The following EPHA4 variants were observed in gnomAD, a reference collection of about 807,000 sequenced individuals.
EPHA4 encodes the protein ephrin type-A receptor 4.
In EPHA4, 19 loss-of-function variants were observed where a neutral mutation model predicts 108.3. The observed-to-expected ratio is 0.18, with a 90% CI of 0.12 to 0.26. EPHA4 has a LOEUF of 0.26. EPHA4 is among the 10% of genes least tolerant of loss of function. The pLI is 1.00. For missense variants in EPHA4, 917 were observed against 1,254.0 expected (o/e 0.73, Z 4.06); for synonymous variants, 449 against 455.5 (o/e 0.99, Z 0.18).
At chr2:221,566,872 AAGAAGGAGAAGGAGAAGGAGAAGG>A (rs1156604295) in intron 2 of EPHA4, among the ~76,000 whole-genome samples, 1 of 41,580 alleles carries the variant, frequency 2.4e-5, no homozygotes, top group Non-Finnish European at 4.6e-5. Flanking sequence ...GAAGAAGAAG[AAGAAGGAGAAGGAGAAGGAGAAGG>A]AGAAGGAGAA....
At chr2:221,461,698 TAC>T (rs1224506218) in intron 5 of EPHA4, among the ~76,000 whole-genome samples, 2 of 152,206 alleles carry the variant, frequency 1.3e-5, no homozygotes, top group Non-Finnish European at 2.9e-5. Context: ...TCAGACTAAG[TAC>T]CACCAAATAC....
intron 2 of EPHA4, among the ~76,000 whole-genome samples, chr2:221,565,905 G>C (rs959622202): frequency 6.6e-6 from 1 of 152,180 alleles, no homozygotes; most frequent in Non-Finnish European, 1.5e-5. Context: ...AAGGCACATA[G>C]GGTATCTCTA....
intron 3 of EPHA4, among the ~76,000 whole-genome samples, chr2:221,549,617 C>T (rs541172701): frequency 5.9e-5 from 9 of 152,320 alleles, no homozygotes; most frequent in African/African-American, 2.2e-4. Flanking sequence ...AAGAGTAGCT[C>T]TACCATGCCT....
At chr2:221,521,158 A>T (rs536390986) in intron 3 of EPHA4, among the ~76,000 whole-genome samples, 6 of 152,078 alleles carry the variant, frequency 3.9e-5, no homozygotes, top group Admixed American at 3.9e-4. Context: ...CCTATTCTCA[A>T]CCCTCGGACT....
chr2:221,508,871 A>G (rs1692717587), intron 3 of EPHA4, among the ~76,000 whole-genome samples: 1 of 148,010 alleles, frequency 6.8e-6, no homozygotes, highest in Non-Finnish European at 1.5e-5. Flanking sequence ...CTCTCACATC[A>G]ATATTGTGAA....
intron 3 of EPHA4, among the ~76,000 whole-genome samples, chr2:221,502,844 A>G (rs560285199): frequency 1.2e-3 from 184 of 152,324 alleles, no homozygotes; most frequent in Non-Finnish European, 2.0e-3. Context: ...TGGGAGATCA[A>G]TCTCTCCCTT....
intron 13 of EPHA4, among the ~76,000 whole-genome samples, chr2:221,435,806 G>A (rs929933280): frequency 1.8e-4 from 27 of 151,986 alleles, no homozygotes; most frequent in African/African-American, 6.3e-4. Context: ...TGGTATAAAT[G>A]TTTTATAAAT....
chr2:221,488,737 T>C (rs1240817885), intron 4 of EPHA4, among the ~76,000 whole-genome samples: 1 of 152,200 alleles, frequency 6.6e-6, no homozygotes, highest in East Asian at 1.9e-4. Context: ...TCATGTTGTA[T>C]TATAAAAGGA....
At chr2:221,513,730 C>T (rs1444525243) in intron 3 of EPHA4, among the ~76,000 whole-genome samples, 1 of 152,114 alleles carries the variant, frequency 6.6e-6, no homozygotes, top group Non-Finnish European at 1.5e-5. Context: ...TTAACAGATA[C>T]GATCAGGTTA....
intron 3 of EPHA4, among the ~76,000 whole-genome samples, chr2:221,546,290 C>T (rs1277902922): frequency 6.6e-6 from 1 of 152,170 alleles, no homozygotes; most frequent in Non-Finnish European, 1.5e-5. Context: ...CTTCACTCCT[C>T]AAGGCCTCCT....
chr2:221,459,176 A>G (rs1317096762), intron 5 of EPHA4, among the ~76,000 whole-genome samples: 7 of 152,176 alleles, frequency 4.6e-5, no homozygotes, highest in Admixed American at 3.9e-4. Flanking sequence ...AGCCAAGCAG[A>G]CACACCATAG....
At chr2:221,443,208 G>A (rs772009716) in intron 10 of EPHA4, among the ~76,000 whole-genome samples, 194 bp from the exon 11 acceptor site, 1 of 151,940 alleles carries the variant, frequency 6.6e-6, no homozygotes, top group Non-Finnish European at 1.5e-5. Flanking sequence ...GAAAACTAAG[G>A]CTTAATGCAA....
rs542089621 is a variant in EPHA4, at chr2:221,424,267, T to A, written c.*819+942A>T. Among the ~76,000 whole-genome samples the A allele has an allele frequency of 5.3e-5, 8 of 152,134 alleles. No individual in the cohort carries two copies. In the East Asian group the frequency reaches 1.5e-3, roughly 29 times the overall value. ...ATAAAACAAAAATTGTTGGAGTAGT[T>A]TTAAAAACAAATTTCACATTCCTTC... On this transcript the variant is annotated intron_variant, in intron 17 of 17. Transcript: ENST00000281821.
intron 14 of EPHA4, among the ~76,000 whole-genome samples, chr2:221,432,306 T>C (rs1574557038): frequency 6.6e-6 from 1 of 152,184 alleles, no homozygotes; most frequent in South Asian, 2.1e-4. Flanking sequence ...ATAATTACAG[T>C]AACTACATTT....
chr2:221,437,321 G>T, intron 11 of EPHA4, 199 bp from the exon 12 acceptor site: 1 of 487,258 alleles, frequency 2.1e-6, no homozygotes, highest in Non-Finnish European at 3.6e-6. Context: ...AATTCCATCT[G>T]GATAGTTAAA....
intron 3 of EPHA4, among the ~76,000 whole-genome samples, chr2:221,514,439 C>T (rs1338002218): frequency 1.3e-5 from 2 of 152,118 alleles, no homozygotes; most frequent in Non-Finnish European, 2.9e-5. Flanking sequence ...GTCCCAACCT[C>T]GGGGATTTTG....
At position 221,548,712 on chromosome 2, in the gene EPHA4, G is replaced by A. The variant is rs116666873; in HGVS notation, c.823+15019C>T. Among the ~76,000 whole-genome samples the A allele has an allele frequency of 6.6e-3, 1,012 of 152,216 alleles. 10 individuals carry two copies. Among genetic ancestry groups the A allele is most frequent in the African/African-American group, 0.023 (935 of 41,538 alleles). ...AGAGAGATGGCTAGCTGGGATTGTT[G>A]GAAGAGCTTCTCCATCTTTTCTATG... On this transcript the variant is annotated intron_variant, in intron 3 of 17. Transcript: ENST00000281821.
chr2:221,472,081 TAA>T (rs1181497838), intron 5 of EPHA4, among the ~76,000 whole-genome samples: 1 of 152,116 alleles, frequency 6.6e-6, no homozygotes, highest in African/African-American at 2.4e-5. Flanking sequence ...TCAGATAAAA[TAA>T]AAGTCTTTGG....
At chr2:221,553,382 G>A (rs1320253759) in intron 3 of EPHA4, among the ~76,000 whole-genome samples, 1 of 152,290 alleles carries the variant, frequency 6.6e-6, no homozygotes, top group Admixed American at 6.5e-5. Context: ...CTTAAATCAG[G>A]GAAGTTCTTA....
Sources: allele counts gnomAD v4.1 joint callset (sites outside exome capture counted in the v4.1 genomes callset), GRCh38; gene constraint gnomAD v4.1.1; transcripts MANE v1.5; gene names NCBI Gene and HGNC (gene_info 2026-07-23, HGNC 2026-07-21).